The following SLC14A2 variants were observed in gnomAD, a reference collection of about 807,000 sequenced individuals.
The protein encoded by SLC14A2 is urea transporter 2.
In SLC14A2, 91 loss-of-function variants were observed where a neutral mutation model predicts 104.6. The observed-to-expected ratio is 0.87, with a 90% CI of 0.73 to 1.04. The LOEUF is 1.04. Ranked by LOEUF, SLC14A2 falls within the 50% of genes least tolerant of loss-of-function variation. SLC14A2 has a pLI of 0.00. For synonymous variants in SLC14A2, 476 were observed against 466.4 expected (o/e 1.02, Z -0.27); for missense variants, 1,189 against 1,156.0 (o/e 1.03, Z -0.41).
At position 45,581,300 on chromosome 18, in the gene SLC14A2, TGGG is replaced by T. The variant is rs756098194; in HGVS notation, c.-34-43328_-34-43326del. Among the ~76,000 whole-genome samples the T allele has an allele frequency of 2.6e-5, 4 of 151,942 alleles. No individual in the cohort carries two copies. In the East Asian group the frequency reaches 7.8e-4, roughly 29 times the overall value. ...CAGGGCTGCAGGAACAAAGGACAGG[TGGG>T]GGACAGACAGAGAAGCAAGGGACCC... On this transcript the variant is annotated intron_variant, in intron 2 of 20. Transcript: ENST00000586448.
At chr18:45,393,021 C>A (rs1440224102) in intron 1 of SLC14A2, among the ~76,000 whole-genome samples, 1 of 152,068 alleles carries the variant, frequency 6.6e-6, no homozygotes, top group Non-Finnish European at 1.5e-5. Context: ...TGATCACAAC[C>A]AATATTTCAG....
chr18:45,266,383 G>A (rs2084592521), intron 1 of SLC14A2, among the ~76,000 whole-genome samples: 1 of 152,090 alleles, frequency 6.6e-6, no homozygotes, highest in Admixed American at 6.6e-5. Context: ...AGGGCAGGAG[G>A]TCTTGGCCAT....
rs80014221 is a variant in SLC14A2 at position 45,434,022 on chromosome 18, A to G, written c.-124-49211A>G. On this transcript the variant is annotated intron_variant, in intron 1 of 20. Coordinates refer to the SLC14A2 transcript ENST00000586448. ...AATGGCAGATAGTCCTTTACACCTA[A>G]TATAACTTCATCCCCATCTCTGAGG... Among the ~76,000 whole-genome samples the G allele has an allele frequency of 3.2e-4, 49 of 152,216 alleles. No homozygotes were observed. The East Asian group carries it at 9.3e-3, about 29-fold the overall frequency.
chr18:45,558,124 C>T (rs2044156085), intron 2 of SLC14A2, among the ~76,000 whole-genome samples: 1 of 152,114 alleles, frequency 6.6e-6, no homozygotes, highest in African/African-American at 2.4e-5. Flanking sequence ...CCCTCCTTTC[C>T]AGCTACTCTC....
rs2543003 is a variant in SLC14A2, at chr18:45,469,851, T to A, written c.-124-13382T>A. Among the ~76,000 whole-genome samples, 1,417 of 152,150 alleles carry A rather than the reference T, an allele frequency of 9.3e-3. 24 individuals carry two copies. The highest frequency in any genetic ancestry group is 0.032 in the African/African-American group (1,338 of 41,486). On this transcript the variant is annotated intron_variant, in intron 1 of 20. Coordinates refer to the SLC14A2 transcript ENST00000586448. ...GAAGAGTGGGAGAACACTAGAGAAG[T>A]AGGCAGGGACACATTATAAAGGAAC... is the stretch of plus-strand genomic sequence containing the variant.
chr18:45,396,011 G>A (rs1194857603), intron 1 of SLC14A2, among the ~76,000 whole-genome samples: 1 of 151,998 alleles, frequency 6.6e-6, no homozygotes, highest in East Asian at 1.9e-4. Context: ...AGGGCTTAAG[G>A]GAATATATGG....
chr18:45,455,889 G>A (rs149811720), intron 1 of SLC14A2, among the ~76,000 whole-genome samples: 40 of 152,174 alleles, frequency 2.6e-4, no homozygotes, highest in Admixed American at 2.3e-3. Flanking sequence ...TGAGAAATGG[G>A]TATTTTCTTA....
chr18:45,501,076 C>T (rs984172817), intron 2 of SLC14A2, among the ~76,000 whole-genome samples: 2 of 152,196 alleles, frequency 1.3e-5, no homozygotes, highest in Non-Finnish European at 2.9e-5. Context: ...TCATTCAGTT[C>T]ACTCAACAGT....
intron 1 of SLC14A2, among the ~76,000 whole-genome samples, chr18:45,317,430 G>A (rs1007110340): frequency 5.3e-5 from 8 of 152,174 alleles, no homozygotes; most frequent in African/African-American, 1.4e-4. Flanking sequence ...TAAGGAAAAC[G>A]TTTGCAACTA....
At chr18:45,454,185 G>T (rs2086903973) in intron 1 of SLC14A2, among the ~76,000 whole-genome samples, 1 of 152,158 alleles carries the variant, frequency 6.6e-6, no homozygotes, top group African/African-American at 2.4e-5. Flanking sequence ...TAGAATCAAA[G>T]AAGCTTAGAG....
intron 4 of SLC14A2, 58 bp downstream of exon 4, chr18:45,627,205 G>A (rs2045273693): frequency 6.8e-7 from 1 of 1,470,288 alleles, no homozygotes. Flanking sequence ...GTAGAGAGGT[G>A]TTTACTTGAG....
At chr18:45,628,793 G>A (rs1390748093) in intron 4 of SLC14A2, among the ~76,000 whole-genome samples, 1 of 152,114 alleles carries the variant, frequency 6.6e-6, no homozygotes, top group East Asian at 1.9e-4. Flanking sequence ...GTGCGTGGGA[G>A]AGAAAGAAAG....
At chr18:45,392,106 G>C (rs2085975611) in intron 1 of SLC14A2, among the ~76,000 whole-genome samples, 1 of 152,218 alleles carries the variant, frequency 6.6e-6, no homozygotes, top group Admixed American at 6.5e-5. Context: ...GCAGAAAGTA[G>C]TGAAAGCAGA....
intron 2 of SLC14A2, among the ~76,000 whole-genome samples, chr18:45,561,517 G>C (rs928136128): frequency 6.6e-6 from 1 of 152,142 alleles, no homozygotes; most frequent in South Asian, 2.1e-4. Context: ...CAGGAGGAGG[G>C]GCAGCCCGTT....
At chr18:45,291,242 G>T (rs1372975335) in intron 1 of SLC14A2, among the ~76,000 whole-genome samples, 2 of 152,080 alleles carry the variant, frequency 1.3e-5, no homozygotes, top group East Asian at 1.9e-4. Context: ...GGCTTTAACA[G>T]GTTCAGAGCA....
At chr18:45,363,460 T>A (rs561136480) in intron 1 of SLC14A2, among the ~76,000 whole-genome samples, 1 of 151,878 alleles carries the variant, frequency 6.6e-6, no homozygotes. Context: ...CCGAGAAACT[T>A]GGAGACAATG....
chr18:45,464,156 G>A (rs1568220095), intron 1 of SLC14A2, among the ~76,000 whole-genome samples: 1 of 152,188 alleles, frequency 6.6e-6, no homozygotes, highest in Non-Finnish European at 1.5e-5. Flanking sequence ...AGAAGTAGTG[G>A]GGTGAAGAGT....
chr18:45,316,600 T>C (rs1374657382), intron 1 of SLC14A2, among the ~76,000 whole-genome samples: 1 of 152,210 alleles, frequency 6.6e-6, no homozygotes. Flanking sequence ...CTTCTCATGA[T>C]GCGTGGACCT....
intron 1 of SLC14A2, among the ~76,000 whole-genome samples, chr18:45,330,144 T>C (rs573089521): frequency 1.3e-5 from 2 of 152,214 alleles, no homozygotes; most frequent in South Asian, 4.1e-4. Flanking sequence ...AGTCTTTGGG[T>C]GTAAGCTGAG....
Sources: gnomAD v4.1 joint callset for allele counts (sites outside exome capture counted in the v4.1 genomes callset) on GRCh38, gnomAD v4.1.1 for gene constraint, MANE v1.5 for transcripts, NCBI Gene and HGNC (gene_info 2026-07-23, HGNC 2026-07-21) for gene names.